The following DOK6 variants were observed in gnomAD, a reference collection of about 807,000 sequenced individuals.
DOK6 encodes the protein docking protein 6.
A neutral mutation model predicts 44.0 loss-of-function variants in DOK6; 22 were observed. The observed-to-expected ratio is 0.50, with a 90% CI of 0.36 to 0.71. The LOEUF is 0.71. DOK6 is among the 30% of genes least tolerant of loss of function. The pLI is 0.00. For synonymous variants in DOK6, 166 were observed against 145.5 expected (o/e 1.14, Z -1.01); for missense variants, 340 against 416.4 (o/e 0.82, Z 1.60).
intron 3 of DOK6, among the ~76,000 whole-genome samples, chr18:69,602,805 TATA>T (rs1224548759): frequency 6.6e-6 from 1 of 152,138 alleles, no homozygotes; most frequent in Non-Finnish European, 1.5e-5. Flanking sequence ...ATAATAGAAA[TATA>T]GTGCATTATC....
chr18:69,771,654 A>C (rs1229466415), intron 7 of DOK6, among the ~76,000 whole-genome samples: 1 of 151,966 alleles, frequency 6.6e-6, no homozygotes, highest in Admixed American at 6.6e-5. Context: ...CTCTATGTAC[A>C]TTAGCATCTT....
At chr18:69,812,224 CAG>C (rs896005831) in intron 7 of DOK6, among the ~76,000 whole-genome samples, 1 of 152,046 alleles carries the variant, frequency 6.6e-6, no homozygotes, top group African/African-American at 2.4e-5. Context: ...TTTGTTGTTC[CAG>C]AGTTACATAC....
At chr18:69,795,805 T>TCTGCTTTTAAC (rs1980727389) in intron 7 of DOK6, among the ~76,000 whole-genome samples, 1 of 152,224 alleles carries the variant, frequency 6.6e-6, no homozygotes, top group South Asian at 2.1e-4. Context: ...AGAAGTTTTA[T>TCTGCTTTTAAC]CTGCTTTTAA....
intron 1 of DOK6, among the ~76,000 whole-genome samples, chr18:69,465,751 G>A (rs1979908966): frequency 6.6e-6 from 1 of 151,596 alleles, no homozygotes; most frequent in Non-Finnish European, 1.5e-5. Context: ...ATTGTGAATA[G>A]TGCCGCAATA....
At chr18:69,460,355 T>C (rs1193185994) in intron 1 of DOK6, among the ~76,000 whole-genome samples, 1 of 152,178 alleles carries the variant, frequency 6.6e-6, no homozygotes, top group South Asian at 2.1e-4. Context: ...TTATTGTACA[T>C]TGACATGATG....
intron 1 of DOK6, among the ~76,000 whole-genome samples, chr18:69,409,027 C>T (rs1042702209): frequency 6.6e-6 from 1 of 152,102 alleles, no homozygotes; most frequent in African/African-American, 2.4e-5. Context: ...ATAATCCCCA[C>T]GTGTCATGGG....
At chr18:69,419,283 G>T (rs1392464812) in intron 1 of DOK6, among the ~76,000 whole-genome samples, 1 of 152,056 alleles carries the variant, frequency 6.6e-6, no homozygotes, top group Non-Finnish European at 1.5e-5. Flanking sequence ...CGCGCACATA[G>T]CTATCTTGAT....
At chr18:69,563,670 A>T (rs1285438079) in intron 1 of DOK6, among the ~76,000 whole-genome samples, 1 of 149,594 alleles carries the variant, frequency 6.7e-6, no homozygotes, top group East Asian at 2.0e-4. Context: ...GGGAGGGGGG[A>T]AGGATAGCAT....
chr18:69,561,890 A>G (rs113345680), intron 1 of DOK6, among the ~76,000 whole-genome samples: 2 of 152,184 alleles, frequency 1.3e-5, no homozygotes, highest in Admixed American at 1.3e-4. Context: ...GCACACTTCA[A>G]AGGAATTATA....
chr18:69,420,348 C>T (rs952277268), intron 1 of DOK6, among the ~76,000 whole-genome samples: 1 of 151,942 alleles, frequency 6.6e-6, no homozygotes, highest in Non-Finnish European at 1.5e-5. Flanking sequence ...TGTGCAGCAA[C>T]TTTTACAGCA....
At chr18:69,720,061 C>T (rs8082793) in intron 5 of DOK6, among the ~76,000 whole-genome samples, 90,992 of 151,690 alleles carry the variant, frequency 0.6, 27,863 homozygotes, top group East Asian at 0.91. Context: ...TGGTGGCACA[C>T]CCTTGTAGTC....
At chr18:69,599,208 A>T (rs1983815546) in intron 2 of DOK6, among the ~76,000 whole-genome samples, 176 bp from the exon 3 acceptor site, 1 of 152,216 alleles carries the variant, frequency 6.6e-6, no homozygotes, top group Non-Finnish European at 1.5e-5. Flanking sequence ...AGTTAAGGGC[A>T]TAATAGAAGA....
intron 1 of DOK6, among the ~76,000 whole-genome samples, chr18:69,446,311 G>A (rs960676870): frequency 6.0e-5 from 9 of 150,266 alleles, no homozygotes; most frequent in African/African-American, 2.2e-4. Flanking sequence ...GCGGTGTTTG[G>A]TTTTTTGTCC....
chr18:69,719,368 G>A (rs1467661612), intron 5 of DOK6, among the ~76,000 whole-genome samples: 1 of 152,190 alleles, frequency 6.6e-6, no homozygotes, highest in Admixed American at 6.5e-5. Flanking sequence ...AGGTCAAGTG[G>A]AATCAGTTGG....
At chr18:69,732,480 G>C (rs1319559140) in intron 5 of DOK6, among the ~76,000 whole-genome samples, 1 of 152,016 alleles carries the variant, frequency 6.6e-6, no homozygotes, top group African/African-American at 2.4e-5. Flanking sequence ...GAGGCATAAA[G>C]ATAAATAGAA....
chr18:69,521,283 A>C (rs765613717), intron 1 of DOK6, among the ~76,000 whole-genome samples: 3 of 151,900 alleles, frequency 2.0e-5, no homozygotes, highest in African/African-American at 7.2e-5. Flanking sequence ...TATGTTAAAC[A>C]GTTAAAATAA....
chr18:69,823,625 T>TTGTGTGTG (rs72248499), intron 7 of DOK6, among the ~76,000 whole-genome samples: 11,648 of 146,782 alleles, frequency 0.079, 543 homozygotes, highest in East Asian at 0.18. Flanking sequence ...GTGTGTGTGT[T>TTGTGTGTG]TGTGTGTGTG....
At chr18:69,439,489 T>G (rs751058848) in intron 1 of DOK6, among the ~76,000 whole-genome samples, 1 of 152,204 alleles carries the variant, frequency 6.6e-6, no homozygotes, top group Non-Finnish European at 1.5e-5. Context: ...TTATCTAAAT[T>G]TAAAATATGT....
At chr18:69,524,959 G>C (rs1246620158) in intron 1 of DOK6, among the ~76,000 whole-genome samples, 1 of 147,842 alleles carries the variant, frequency 6.8e-6, no homozygotes. Flanking sequence ...TTAATAAATG[G>C]ATATTAAATG....
Sources: gnomAD v4.1 joint callset for allele counts (sites outside exome capture counted in the v4.1 genomes callset) on GRCh38, gnomAD v4.1.1 for gene constraint, MANE v1.5 for transcripts, NCBI Gene and HGNC (gene_info 2026-07-23, HGNC 2026-07-21) for gene names.